The following ZNF329 variants were observed in gnomAD, a reference collection of about 807,000 sequenced individuals.
ZNF329 encodes the protein zinc finger protein 329.
A neutral mutation model predicts 26.6 loss-of-function variants in ZNF329; 15 were observed. The observed-to-expected ratio is 0.56, with a 90% confidence interval of 0.38 to 0.87. ZNF329 has a LOEUF of 0.87. Ranked by LOEUF, ZNF329 falls within the 40% of genes least tolerant of loss-of-function variation. ZNF329 has a pLI of 0.00. For missense variants in ZNF329, 651 were observed against 651.9 expected (o/e 1.00, Z 0.02); for synonymous variants, 239 against 233.5 (o/e 1.02, Z -0.21).
rs1281631124 is a variant in ZNF329, at chr19:58,128,775, G to A, written c.729C>T (p.Asn243=). ...TTCTTTGATGCACAATCAGGTTGTA[G>A]TTCTTGGAGAAGGACTTTCCACACT... ...CNECGKSFSK[N]YNLIVHQRIH... is the part of the protein sequence containing the mutation. The change falls in exon 4 of 4, where the codon AAC becomes AAT. Residue 243 remains asparagine (N), a synonymous_variant. Coordinates refer to ENST00000598312, the MANE Select transcript of ZNF329 (RefSeq NM_024620.4). The A allele has an allele frequency of 6.2e-7, 1 of 1,601,422 alleles. No individual in the cohort carries two copies. The highest frequency in any genetic ancestry group is 8.5e-7 in the Non-Finnish European group (1 of 1,174,206).
intron 1 of ZNF329, among the ~76,000 whole-genome samples, chr19:58,147,635 G>A (rs1381876545): frequency 1.4e-5 from 2 of 145,476 alleles, no homozygotes; most frequent in Admixed American, 6.7e-5. Flanking sequence ...CCCCGTCCAG[G>A]AGGGAGGTGG....
At chr19:58,135,437 T>C (rs1341655601) in intron 3 of ZNF329, among the ~76,000 whole-genome samples, 1 of 152,100 alleles carries the variant, frequency 6.6e-6, no homozygotes, top group African/African-American at 2.4e-5. Flanking sequence ...CAGCTAATTT[T>C]TGTATTTTTA....
At chr19:58,144,578 G>A (rs954104978) in intron 1 of ZNF329, among the ~76,000 whole-genome samples, 2 of 151,698 alleles carry the variant, frequency 1.3e-5, no homozygotes, top group Non-Finnish European at 2.9e-5. Context: ...TAATAGAGAT[G>A]GGGTTTCACC....
chr19:58,143,868 G>A (rs2075239908), intron 1 of ZNF329, among the ~76,000 whole-genome samples: 1 of 152,038 alleles, frequency 6.6e-6, no homozygotes, highest in Non-Finnish European at 1.5e-5. Context: ...ATCACCCGAG[G>A]TCAGGAGTTC....
rs1294818379 is a variant in ZNF329 at position 58,126,423 on chromosome 19, G to A, written c.*1455C>T. 6.6e-6 allele frequency: 1 copy of A among 152,130 alleles called. No homozygotes were observed. Among genetic ancestry groups the A allele is most frequent in the Admixed American group, 6.5e-5 (1 of 15,268 alleles). The allele number at this position is 152,130 out of a possible 1,614,324, so 9.4% of individuals were successfully genotyped here. ...ATATTTTTACATGGCTGGAATAATA[G>A]TAAATCTTCTATTTGATGCCCCTTT... On this transcript the variant is annotated 3_prime_UTR_variant, in exon 4 of 4. Coordinates refer to ENST00000598312, the MANE Select transcript of ZNF329 (RefSeq NM_024620.4).
intron 3 of ZNF329, among the ~76,000 whole-genome samples, chr19:58,132,034 AAAAAG>A (rs1206454932): frequency 5.3e-5 from 8 of 152,034 alleles, no homozygotes; most frequent in Non-Finnish European, 7.4e-5. Context: ...AAAAAAAAAA[AAAAAG>A]AAAGAAAAAA....
chr19:58,144,481 G>C (rs1210061433), intron 1 of ZNF329, among the ~76,000 whole-genome samples: 1 of 151,576 alleles, frequency 6.6e-6, no homozygotes, highest in African/African-American at 2.4e-5. Context: ...TCCGCTTCCT[G>C]GGTTCAAGTG....
At chr19:58,131,140 T>C (rs181798899) in intron 3 of ZNF329, among the ~76,000 whole-genome samples, 194 of 151,654 alleles carry the variant, frequency 1.3e-3, no homozygotes, top group Middle Eastern at 6.8e-3. Context: ...TGTGTGTGTG[T>C]GCGCGTGTAT....
rs756246249 is a variant in ZNF329 at position 58,128,047 on chromosome 19, G to A, written c.1457C>T (p.Pro486Leu). 4.3e-6 allele frequency: 7 copies of A among 1,613,632 alleles called. No homozygotes were observed. Among genetic ancestry groups the A allele is most frequent in the Non-Finnish European group, 5.9e-6 (7 of 1,179,890 alleles). ...IHTKETPYQC[P>L]ECGKSFKQNS... ...CTGCTTGAAGGACTTCCCACATTCT[G>A]GACACTGATATGGGGTCTCCTTAGT... The change falls in exon 4 of 4, where the codon CCA becomes CTA. Residue 486 changes from proline to leucine, a missense_variant. Pro to Leu is a moderately conservative substitution (Grantham distance 98). Coordinates refer to ENST00000598312, the MANE Select transcript of ZNF329 (RefSeq NM_024620.4).
Position 58,128,446 on chromosome 19 carries a change from C to T in ZNF329, c.1058G>A (p.Arg353Gln), listed in dbSNP as rs145847989. Residue 353 changes from arginine to glutamine, a missense_variant, in exon 4 of 4, where the codon CGG becomes CAG. Coordinates refer to ENST00000598312, the MANE Select transcript of ZNF329 (RefSeq NM_024620.4). The part of the protein sequence containing the change: ...YECSKCGKAF[R>Q]DGSYLTQHER... Reference sequence around the variant, plus strand: ...ATGCTGGGTGAGGTACGAGCCGTCCCGGAAAGCCTTTCCACATTTGCTACA... The same window carrying T: ...ATGCTGGGTGAGGTACGAGCCGTCCTGGAAAGCCTTTCCACATTTGCTACA... 51 of 1,613,376 alleles carry T rather than the reference C, an allele frequency of 3.2e-5. No homozygotes were observed. Among genetic ancestry groups the T allele is most frequent in the Admixed American group, 6.7e-5 (4 of 59,928 alleles).
chr19:58,134,114 A>G (rs1291537751), intron 3 of ZNF329, among the ~76,000 whole-genome samples: 1 of 152,238 alleles, frequency 6.6e-6, no homozygotes, highest in Non-Finnish European at 1.5e-5. Flanking sequence ...CTACTTCCAG[A>G]AGATACTTGG....
chr19:58,135,521 C>A (rs1268840768), intron 3 of ZNF329, among the ~76,000 whole-genome samples: 2 of 152,132 alleles, frequency 1.3e-5, no homozygotes, highest in Non-Finnish European at 2.9e-5. Context: ...CTGCTTCGGC[C>A]CCACAAAGTG....
intron 3 of ZNF329, among the ~76,000 whole-genome samples, chr19:58,137,727 G>A (rs2075102164): frequency 6.6e-6 from 1 of 151,016 alleles, no homozygotes; most frequent in Non-Finnish European, 1.5e-5. Context: ...ACTTTGGGAG[G>A]CTAAGGCAGG....
chr19:58,133,411 C>A (rs1348916298), intron 3 of ZNF329, among the ~76,000 whole-genome samples: 2 of 151,516 alleles, frequency 1.3e-5, no homozygotes, highest in Non-Finnish European at 2.9e-5. Context: ...CATGGTGAAA[C>A]CCCGTCCCTA....
chr19:58,143,710 C>T (rs1421755772), intron 1 of ZNF329, among the ~76,000 whole-genome samples: 1 of 152,040 alleles, frequency 6.6e-6, no homozygotes, highest in Non-Finnish European at 1.5e-5. Flanking sequence ...ATTACAATTC[C>T]AAATTCACTC....
rs1446815944 is a variant in ZNF329 at position 58,127,812 on chromosome 19, A to G, written c.*66T>C. ...TTTCTACTGACCAGAGAGGAGTCAG[A>G]TCTAAGACACGCCTCCTAAACACAG... is the stretch of plus-strand genomic sequence containing the variant. On this transcript the variant is annotated 3_prime_UTR_variant, in exon 4 of 4. Coordinates refer to ENST00000598312, the MANE Select transcript of ZNF329 (RefSeq NM_024620.4). 1.4e-6 allele frequency: 2 copies of G among 1,433,138 alleles called. No individual in the cohort carries two copies. Among genetic ancestry groups the G allele is most frequent in the East Asian group, 4.6e-5 (2 of 43,742 alleles). 88.8% of individuals were successfully genotyped at this position (1,433,138 alleles called of 1,614,324 possible).
At chr19:58,148,748 T>G (rs1568678372) in intron 1 of ZNF329, among the ~76,000 whole-genome samples, 1 of 152,164 alleles carries the variant, frequency 6.6e-6, no homozygotes, top group Non-Finnish European at 1.5e-5. Flanking sequence ...CTGGCTGAAG[T>G]ATTTCAGAGT....
chr19:58,149,734 A>G (rs1359520848), intron 1 of ZNF329, among the ~76,000 whole-genome samples: 1 of 152,232 alleles, frequency 6.6e-6, no homozygotes, highest in Non-Finnish European at 1.5e-5. Context: ...GGCAAAAAAT[A>G]AAGGACCTTT....
At chr19:58,138,697 G>A (rs879342700) in intron 3 of ZNF329, among the ~76,000 whole-genome samples, 2 of 152,120 alleles carry the variant, frequency 1.3e-5, no homozygotes, top group African/African-American at 2.4e-5. Flanking sequence ...CACACGTACA[G>A]TTAAAAGAAA....
Sources: allele counts gnomAD v4.1 joint callset (sites outside exome capture counted in the v4.1 genomes callset), GRCh38; gene constraint gnomAD v4.1.1; transcripts MANE v1.5; gene names NCBI Gene and HGNC (gene_info 2026-07-23, HGNC 2026-07-21).